AKT3: variants seen among roughly 807,000 people sequenced by gnomAD.
AKT3 encodes the protein AKT serine/threonine kinase 3, also known as RAC-gamma serine/threonine-protein kinase.
AKT3 carries 15 observed loss-of-function variants against 65.3 expected under a neutral mutation model. The ratio of observed to expected loss-of-function variants is 0.23; its 90% CI spans 0.15 to 0.35. AKT3 has a LOEUF of 0.35. Among genes scored for constraint, AKT3 ranks in the 10% least tolerant of loss-of-function variants. The pLI is 1.00. For missense variants in AKT3, 243 were observed against 576.5 expected (o/e 0.42, Z 5.92); for synonymous variants, 206 against 183.8 (o/e 1.12, Z -0.98).
At chr1:243,681,175 G>A (rs1056593002) in intron 3 of AKT3, among the ~76,000 whole-genome samples, 1 of 152,098 alleles carries the variant, frequency 6.6e-6, no homozygotes, top group Non-Finnish European at 1.5e-5. Flanking sequence ...AAAATAGACT[G>A]TTTGTCCTCC....
At chr1:243,812,812 T>C (rs564317457) in intron 2 of AKT3, among the ~76,000 whole-genome samples, 3 of 152,120 alleles carry the variant, frequency 2.0e-5, no homozygotes, top group African/African-American at 4.8e-5. Context: ...AAATGTGGCA[T>C]ATATATACCA....
chr1:243,509,555 G>T (rs753135718), intron 13 of AKT3, among the ~76,000 whole-genome samples: 9 of 152,046 alleles, frequency 5.9e-5, no homozygotes, highest in Non-Finnish European at 1.0e-4. Context: ...AATCCATTTT[G>T]ATTTGCTCTG....
intron 6 of AKT3, among the ~76,000 whole-genome samples, chr1:243,631,106 A>G (rs948120198): frequency 6.6e-6 from 1 of 152,142 alleles, no homozygotes; most frequent in African/African-American, 2.4e-5. Flanking sequence ...ACTGCACTAT[A>G]CTGTAGTCTA....
chr1:243,491,089 C>T (rs1666293304), intron 13 of AKT3, among the ~76,000 whole-genome samples: 1 of 152,228 alleles, frequency 6.6e-6, no homozygotes, highest in Non-Finnish European at 1.5e-5. Flanking sequence ...GAGCACACGG[C>T]AGCTTCCTTT....
At chr1:243,703,922 T>C (rs922448807) in intron 2 of AKT3, among the ~76,000 whole-genome samples, 1 of 152,218 alleles carries the variant, frequency 6.6e-6, no homozygotes, top group Non-Finnish European at 1.5e-5. Context: ...TAAATACATA[T>C]ATTGATTAGA....
chr1:243,850,045 A>ACGG lies in AKT3; in HGVS notation c.-121_-119dup, dbSNP rs530666483. The ACGG allele has an allele frequency of 1.1e-4, 104 of 981,004 alleles. No homozygotes were observed. The East Asian group carries it at 1.1e-3, about 10-fold the overall frequency. The allele number at this position is 981,004 out of a possible 1,614,324, so 60.8% of individuals were successfully genotyped here. ...TTGGGGGCGGTGGCTGTTACCTGCA[A>ACGG]CGGCGGCGGCGGCGGTGGCGGCCCC... is the stretch of plus-strand genomic sequence containing the variant. On this transcript the variant is annotated 5_prime_UTR_variant, in exon 1 of 14. Coordinates refer to ENST00000673466, the MANE Select transcript of AKT3 (RefSeq NM_005465.7).
At chr1:243,746,622 TG>T (rs1418311011) in intron 2 of AKT3, among the ~76,000 whole-genome samples, 2 of 152,216 alleles carry the variant, frequency 1.3e-5, no homozygotes, top group East Asian at 3.8e-4. Context: ...TGATTTCTAA[TG>T]TACCTGAAAC....
At chr1:243,669,695 C>T (rs1043953828) in intron 3 of AKT3, among the ~76,000 whole-genome samples, 2 of 152,092 alleles carry the variant, frequency 1.3e-5, no homozygotes, top group African/African-American at 2.4e-5. Context: ...AGAAGCTACT[C>T]GAAGTGCTGT....
chr1:243,575,003 T>C (rs926216893), intron 8 of AKT3, among the ~76,000 whole-genome samples: 2 of 152,162 alleles, frequency 1.3e-5, no homozygotes, highest in African/African-American at 4.8e-5. Context: ...TTTCTATAAA[T>C]ATATCAGCTA....
chr1:243,802,584 A>T (rs1363525731), intron 2 of AKT3, among the ~76,000 whole-genome samples: 1 of 152,238 alleles, frequency 6.6e-6, no homozygotes, highest in Non-Finnish European at 1.5e-5. Flanking sequence ...AACCAAGATC[A>T]TTAATTTTCC....
chr1:243,744,781 A>T (rs2148188799), intron 2 of AKT3, among the ~76,000 whole-genome samples: 1 of 151,804 alleles, frequency 6.6e-6, no homozygotes, highest in Non-Finnish European at 1.5e-5. Flanking sequence ...TAACAGAAAT[A>T]GACTCTCTTG....
At chr1:243,664,337 C>A (rs993646771) in intron 4 of AKT3, among the ~76,000 whole-genome samples, 2 of 151,544 alleles carry the variant, frequency 1.3e-5, no homozygotes, top group Non-Finnish European at 2.9e-5. Flanking sequence ...GCTGGGACTA[C>A]AGGCGCCCGC....
chr1:243,831,557 T>C (rs1694508768), intron 2 of AKT3, among the ~76,000 whole-genome samples: 1 of 152,210 alleles, frequency 6.6e-6, no homozygotes, highest in Non-Finnish European at 1.5e-5. Flanking sequence ...GGTAATGTGA[T>C]TGATTATAAA....
chr1:243,832,121 A>T (rs1279572301), intron 2 of AKT3, among the ~76,000 whole-genome samples: 6 of 6,618 alleles, frequency 9.1e-4, no homozygotes, highest in African/African-American at 1.9e-3. Flanking sequence ...CCCTAAAACT[A>T]AAAAAAAAAA....
intron 4 of AKT3, among the ~76,000 whole-genome samples, chr1:243,647,807 C>T (rs934073169): frequency 6.6e-6 from 1 of 152,212 alleles, no homozygotes; most frequent in Non-Finnish European, 1.5e-5. Context: ...TAAACAGCAG[C>T]ATACATGCTT....
chr1:243,829,754 G>C (rs1041943114), intron 2 of AKT3, among the ~76,000 whole-genome samples: 4 of 152,168 alleles, frequency 2.6e-5, no homozygotes, highest in African/African-American at 9.7e-5. Context: ...ATTAGTGCTA[G>C]GAATGTAAAC....
chr1:243,783,535 C>G (rs1691044144), intron 2 of AKT3, among the ~76,000 whole-genome samples: 1 of 151,752 alleles, frequency 6.6e-6, no homozygotes, highest in South Asian at 2.1e-4. Flanking sequence ...GAGAAGAATG[C>G]ATAAACTTCA....
chr1:243,849,512 G>A (rs946116584), intron 1 of AKT3, among the ~76,000 whole-genome samples: 2 of 148,510 alleles, frequency 1.3e-5, no homozygotes, highest in East Asian at 4.2e-4. Context: ...CGCGCAGACA[G>A]CCTCAGCGCC....
intron 12 of AKT3, among the ~76,000 whole-genome samples, chr1:243,515,666 T>C (rs1353929732): frequency 1.3e-5 from 2 of 152,256 alleles, no homozygotes; most frequent in Non-Finnish European, 2.9e-5. Context: ...ATATATTCAT[T>C]AAGAATATTG....
Sources: gnomAD v4.1 joint callset for allele counts (sites outside exome capture counted in the v4.1 genomes callset) on GRCh38, gnomAD v4.1.1 for gene constraint, MANE v1.5 for transcripts, NCBI Gene and HGNC (gene_info 2026-07-23, HGNC 2026-07-21) for gene names.